Variants in SGCZ observed in about 807,000 individuals in gnomAD.
The protein encoded by SGCZ is sarcoglycan zeta.
Under a neutral mutation model 41.3 loss-of-function variants are expected in SGCZ, and 40 were observed. The ratio of observed to expected loss-of-function variants is 0.97; its 90% CI spans 0.75 to 1.26. The LOEUF (loss-of-function observed/expected upper bound fraction) is 1.26, where lower values mean the gene tolerates loss of function less well. SGCZ is among the 50% of genes most tolerant of loss of function. The pLI, the probability that SGCZ is intolerant of heterozygous loss-of-function variation, is 0.00. For missense variants in SGCZ, 552 were observed against 369.8 expected (o/e 1.49, Z -4.04); for synonymous variants, 206 against 137.5 (o/e 1.50, Z -3.49).
chr8:15,123,995 AT>A (rs1807584214), intron 1 of SGCZ, among the ~76,000 whole-genome samples: 1 of 152,242 alleles, frequency 6.6e-6, no homozygotes, highest in South Asian at 2.1e-4. Flanking sequence ...GGCGGGGCAG[AT>A]TGCAAATGGC....
chr8:14,426,773 A>T (rs1356770198), intron 2 of SGCZ, among the ~76,000 whole-genome samples: 1 of 152,162 alleles, frequency 6.6e-6, no homozygotes, highest in Non-Finnish European at 1.5e-5. Flanking sequence ...AGAAAAAGGT[A>T]CAGGTGTTTT....
intron 1 of SGCZ, among the ~76,000 whole-genome samples, chr8:14,945,960 T>A (rs963619325): frequency 3.0e-5 from 4 of 131,480 alleles, no homozygotes; most frequent in African/African-American, 8.6e-5. Flanking sequence ...ATGGGACTTT[T>A]CAGCCTCCAT....
chr8:14,246,638 C>T (rs113915687), intron 3 of SGCZ, among the ~76,000 whole-genome samples: 6 of 151,080 alleles, frequency 4.0e-5, no homozygotes, highest in African/African-American at 4.9e-5. Flanking sequence ...CTGGGCATGG[C>T]GGCTGAAGCC....
chr8:15,233,176 C>G (rs1170187257), intron 1 of SGCZ, among the ~76,000 whole-genome samples: 2 of 151,746 alleles, frequency 1.3e-5, no homozygotes, highest in Non-Finnish European at 2.9e-5. Context: ...ATAAGGCAGG[C>G]TGCTAAAAAT....
At chr8:14,865,297 A>C (rs575005262) in intron 1 of SGCZ, among the ~76,000 whole-genome samples, 8 of 151,914 alleles carry the variant, frequency 5.3e-5, no homozygotes, top group African/African-American at 1.7e-4. Context: ...CTCTCAGACC[A>C]TATCCCTTAC....
At chr8:14,462,525 C>T (rs1244739236) in intron 2 of SGCZ, among the ~76,000 whole-genome samples, 1 of 151,864 alleles carries the variant, frequency 6.6e-6, no homozygotes, top group Non-Finnish European at 1.5e-5. Flanking sequence ...TTTTTGACAA[C>T]ATTCATCTTT....
At chr8:14,560,125 G>A (rs1422655969) in intron 1 of SGCZ, among the ~76,000 whole-genome samples, 1 of 152,006 alleles carries the variant, frequency 6.6e-6, no homozygotes, top group Non-Finnish European at 1.5e-5. Flanking sequence ...GAAGGGATGA[G>A]TTCTAGCATT....
At chr8:15,091,848 G>T (rs1286207829) in intron 1 of SGCZ, among the ~76,000 whole-genome samples, 1 of 152,128 alleles carries the variant, frequency 6.6e-6, no homozygotes, top group Non-Finnish European at 1.5e-5. Flanking sequence ...CACATCCTGG[G>T]CTCAGGTGAT....
chr8:15,040,798 C>G (rs1435868021), intron 1 of SGCZ, among the ~76,000 whole-genome samples: 1 of 152,096 alleles, frequency 6.6e-6, no homozygotes, highest in Non-Finnish European at 1.5e-5. Context: ...CTTTTTTAAA[C>G]ATATCAAAAG....
At chr8:14,106,104 C>T (rs1307238645) in intron 6 of SGCZ, among the ~76,000 whole-genome samples, 2 of 152,182 alleles carry the variant, frequency 1.3e-5, no homozygotes, top group Non-Finnish European at 2.9e-5. Flanking sequence ...TTAATGTCCT[C>T]ATTTTTCAGC....
intron 2 of SGCZ, among the ~76,000 whole-genome samples, chr8:14,527,710 TG>T (rs1007671406): frequency 2.6e-5 from 4 of 152,048 alleles, no homozygotes; most frequent in Non-Finnish European, 5.9e-5. Flanking sequence ...GCTAGTAACA[TG>T]TAAGTACTCA....
intron 2 of SGCZ, among the ~76,000 whole-genome samples, chr8:14,478,726 T>A (rs554092293): frequency 1.3e-5 from 2 of 152,298 alleles, no homozygotes; most frequent in South Asian, 4.1e-4. Flanking sequence ...GTCTTTATAT[T>A]TCCCCCAAAA....
chr8:14,529,439 C>T (rs1050236613), intron 2 of SGCZ, among the ~76,000 whole-genome samples: 3 of 152,150 alleles, frequency 2.0e-5, no homozygotes, highest in Admixed American at 1.3e-4. Context: ...CATTGTTTAG[C>T]ATCTGTTCCT....
At chr8:14,692,954 G>A (rs1429483374) in intron 1 of SGCZ, among the ~76,000 whole-genome samples, 1 of 152,172 alleles carries the variant, frequency 6.6e-6, no homozygotes, top group African/African-American at 2.4e-5. Context: ...TCACCCAAAA[G>A]TGGCCATGGA....
At chr8:14,590,864 T>G (rs1585105876) in intron 1 of SGCZ, among the ~76,000 whole-genome samples, 1 of 148,628 alleles carries the variant, frequency 6.7e-6, no homozygotes, top group East Asian at 1.9e-4. Context: ...ATGTCATATA[T>G]TATAAAGTAC....
At chr8:15,032,316 T>A (rs755535712) in intron 1 of SGCZ, among the ~76,000 whole-genome samples, 1 of 152,034 alleles carries the variant, frequency 6.6e-6, no homozygotes, top group Non-Finnish European at 1.5e-5. Context: ...AAAAGACACA[T>A]TGAAGAGGTT....
chr8:15,048,483 G>A (rs934146155), intron 1 of SGCZ, among the ~76,000 whole-genome samples: 27 of 151,888 alleles, frequency 1.8e-4, no homozygotes, highest in African/African-American at 5.8e-4. Flanking sequence ...TAGAGGATAC[G>A]GAACATCCCT....
At chr8:14,496,271 G>T in intron 2 of SGCZ, among the ~76,000 whole-genome samples, 1 of 151,686 alleles carries the variant, frequency 6.6e-6, no homozygotes, top group Admixed American at 6.6e-5. Flanking sequence ...AATCCACTAC[G>T]TTGCCCAGGT....
chr8:14,194,336 A>G (rs1805200219), intron 4 of SGCZ, among the ~76,000 whole-genome samples: 1 of 151,920 alleles, frequency 6.6e-6, no homozygotes, highest in Non-Finnish European at 1.5e-5. Flanking sequence ...ACGAGACCAG[A>G]GTAAGTCACC....
Sources: allele counts gnomAD v4.1 joint callset (sites outside exome capture counted in the v4.1 genomes callset), GRCh38; gene constraint gnomAD v4.1.1; transcripts MANE v1.5; gene names NCBI Gene and HGNC (gene_info 2026-07-23, HGNC 2026-07-21).